The following SEPTIN11 variants were observed in gnomAD, a reference collection of about 807,000 sequenced individuals.
SEPTIN11 encodes septin-11.
A neutral mutation model predicts 51.4 loss-of-function variants in SEPTIN11; 25 were observed. That is an observed-to-expected ratio of 0.49 (90% CI 0.35 to 0.68). The LOEUF is 0.68. SEPTIN11 is among the 30% of genes least tolerant of loss of function. The probability of loss-of-function intolerance (pLI) is 0.00; values close to 1 mark genes in which losing one functional copy is unlikely to be tolerated. For synonymous variants in SEPTIN11, 174 were observed against 184.1 expected (o/e 0.95, Z 0.44); for missense variants, 381 against 520.8 (o/e 0.73, Z 2.61).
intron 1 of SEPTIN11, among the ~76,000 whole-genome samples, chr4:76,994,243 G>A (rs1286643160): frequency 1.3e-5 from 2 of 152,214 alleles, no homozygotes; most frequent in African/African-American, 4.8e-5. Context: ...GCACAGCTAG[G>A]TGGAAAGAGT....
chr4:77,030,415 C>G (rs1262524739), intron 8 of SEPTIN11, among the ~76,000 whole-genome samples: 1 of 151,998 alleles, frequency 6.6e-6, no homozygotes, highest in Non-Finnish European at 1.5e-5. Flanking sequence ...CTTTTATTTT[C>G]TTTTGAGACG....
intron 3 of SEPTIN11, among the ~76,000 whole-genome samples, chr4:77,010,458 C>CT (rs766438702): frequency 5.5e-4 from 78 of 140,548 alleles, no homozygotes; most frequent in Middle Eastern, 3.8e-3. Flanking sequence ...TACATCCTAC[C>CT]TTTTTTTTTT....
chr4:76,974,359 G>A (rs1017918037), intron 1 of SEPTIN11: 4 of 160,900 alleles, frequency 2.5e-5, no homozygotes, highest in Non-Finnish European at 5.4e-5. Flanking sequence ...TCCCTGTACC[G>A]GATGCTGGGG....
chr4:76,974,759 G>A (rs1578131589), intron 1 of SEPTIN11: 4 of 456,580 alleles, frequency 8.8e-6, no homozygotes, highest in Middle Eastern at 6.5e-4. Flanking sequence ...GCTGCAGATG[G>A]AATGAATCAA....
intron 1 of SEPTIN11, among the ~76,000 whole-genome samples, chr4:76,958,103 C>G (rs937224207): frequency 6.6e-6 from 1 of 152,190 alleles, no homozygotes; most frequent in African/African-American, 2.4e-5. Flanking sequence ...AGTGAAAATT[C>G]ACCCTTCAGA....
intron 1 of SEPTIN11, among the ~76,000 whole-genome samples, chr4:76,979,044 T>C (rs1417701645): frequency 6.6e-6 from 1 of 152,184 alleles, no homozygotes; most frequent in Non-Finnish European, 1.5e-5. Flanking sequence ...GGAAGTCAGG[T>C]TGTATAGACT....
intron 2 of SEPTIN11, among the ~76,000 whole-genome samples, chr4:77,002,910 T>C (rs1210724381): frequency 6.6e-6 from 1 of 152,182 alleles, no homozygotes; most frequent in Non-Finnish European, 1.5e-5. Context: ...TTTTTATTCA[T>C]TACTTCATCC....
chr4:76,956,981 TGTGTGTGTGTGTGA>T (rs1348603251), intron 1 of SEPTIN11, among the ~76,000 whole-genome samples: 1 of 139,518 alleles, frequency 7.2e-6, no homozygotes, highest in Non-Finnish European at 1.5e-5. Context: ...TGTGTGTGTG[TGTGTGTGTGTGTGA>T]GAGAGAGAGA....
rs1347214189 is a variant in SEPTIN11, at chr4:77,028,761, G to T, written c.1086G>T (p.Glu362Asp). 1.2e-6 allele frequency: 2 copies of T among 1,611,524 alleles called. No individual in the cohort carries two copies. Among genetic ancestry groups the T allele is most frequent in the Non-Finnish European group, 8.5e-7 (1 of 1,179,166 alleles). Reference protein sequence around the residue: ...KEAELKEAEKELHEKFDLLKR... With the variant: ...KEAELKEAEKDLHEKFDLLKR... ...CTGAACTTAAGGAGGCAGAGAAAGA[G>T]GTAAGCCATCTGTCCTGCTTCAAGG... is the stretch of plus-strand genomic sequence containing the variant. Residue 362 changes from glutamate (E) to aspartate (D), a missense_variant and splice_region_variant, in exon 8 of 10, where the codon GAG (glutamate) becomes GAT (aspartate). Physicochemically the swap from Glu to Asp is conservative, Grantham distance 45. Transcript: ENST00000264893.
chr4:77,036,164 T>C lies in SEPTIN11; in HGVS notation c.*1652T>C, dbSNP rs540599885. The C allele has an allele frequency of 3.4e-5, 34 of 987,126 alleles. No individual in the cohort carries two copies. The African/African-American group carries it at 5.6e-4, about 16-fold the overall frequency. The allele number at this position is 987,126 out of a possible 1,614,324, so 61.1% of individuals were successfully genotyped here. On this transcript the variant is annotated 3_prime_UTR_variant, in exon 10 of 10. Coordinates refer to ENST00000264893, the MANE Select transcript of SEPTIN11 (RefSeq NM_018243.4). ...GCTTAATTAAGCAAAGTAAGGAAAT[T>C]AGTTTCATGGAAGCCTAAACAAAGC...
At chr4:77,021,820 G>C (rs1725741522) in intron 7 of SEPTIN11, among the ~76,000 whole-genome samples, 1 of 152,228 alleles carries the variant, frequency 6.6e-6, no homozygotes, top group Non-Finnish European at 1.5e-5. Context: ...TTGCTTTAGA[G>C]ATAGTTTAGG....
intron 3 of SEPTIN11, among the ~76,000 whole-genome samples, chr4:77,006,320 T>G (rs997764498): frequency 6.6e-6 from 1 of 152,218 alleles, no homozygotes; most frequent in Non-Finnish European, 1.5e-5. Flanking sequence ...ACCCCATTTA[T>G]AAACCATGTA....
chr4:77,002,985 C>T (rs1021614462), intron 2 of SEPTIN11, among the ~76,000 whole-genome samples: 2 of 152,218 alleles, frequency 1.3e-5, no homozygotes, highest in Admixed American at 6.5e-5. Flanking sequence ...TTCCGATGCT[C>T]TACCCCATCT....
In SEPTIN11 at chr4:77,034,899, T is replaced by G; in HGVS notation, c.*387T>G. The G allele has an allele frequency of 1.0e-6, 1 of 997,520 alleles. No individual in the cohort carries two copies. Among genetic ancestry groups the G allele is most frequent in the Non-Finnish European group, 1.2e-6 (1 of 837,996 alleles). 61.8% of individuals were successfully genotyped at this position (997,520 alleles called of 1,614,324 possible). A position where few individuals can be genotyped will look rare whatever the true frequency, so the allele number is the denominator to read the frequency against. On this transcript the variant is annotated 3_prime_UTR_variant, in exon 10 of 10. Transcript: ENST00000264893. ...TCAGCAGCTGAACTAAAAACCTGAA[T>G]AGCCATGACAAGAGTTTGCATTTTC...
At chr4:76,979,725 A>G (rs28638241) in intron 1 of SEPTIN11, among the ~76,000 whole-genome samples, 2,595 of 152,156 alleles carry the variant, frequency 0.017, 78 homozygotes, top group African/African-American at 0.059. Flanking sequence ...CTCTACTAAA[A>G]AATACAAAAA....
intron 4 of SEPTIN11, among the ~76,000 whole-genome samples, 194 bp downstream of exon 4, chr4:77,012,115 CAAA>C (rs199819432): frequency 1.2e-5 from 1 of 84,662 alleles, no homozygotes; most frequent in Non-Finnish European, 2.5e-5. Flanking sequence ...ACAAAACTAG[CAAA>C]AAAAAAAAAA....
intron 1 of SEPTIN11, among the ~76,000 whole-genome samples, chr4:76,962,772 A>G (rs1376731874): frequency 6.6e-6 from 1 of 152,198 alleles, no homozygotes; most frequent in East Asian, 1.9e-4. Flanking sequence ...TGGAAAGGCA[A>G]AGTTATTTTA....
rs1382235136 is a variant in SEPTIN11 at position 77,005,772 on chromosome 4, G to A, written c.314G>A (p.Gly105Glu). The A allele has an allele frequency of 6.2e-7, 1 of 1,613,800 alleles. No individual in the cohort carries two copies. The highest frequency in any genetic ancestry group is 1.7e-5 in the Admixed American group (1 of 59,974). The change falls in exon 3 of 10, where the codon GGA (glycine) becomes GAA (glutamate). Residue 105 changes from glycine (G) to glutamate (E), a missense_variant. Around this residue, in one of 2 missense-constraint regions of SEPTIN11, gnomAD observed 184 missense variants for 207.7 expected, o/e 0.89. Transcript: ENST00000264893. Reference protein sequence around the residue: ...KLTIVDTVGFGDQINKDDSYK... With the variant: ...KLTIVDTVGFEDQINKDDSYK... ...ACCATTGTTGACACCGTGGGATTTG[G>A]AGACCAGATAAATAAAGATGACAGG...
chr4:76,997,900 C>T (rs1723841688), intron 2 of SEPTIN11, among the ~76,000 whole-genome samples: 1 of 152,204 alleles, frequency 6.6e-6, no homozygotes, highest in African/African-American at 2.4e-5. Flanking sequence ...CTCCCCAGCC[C>T]TGTCTCCAAA....
Sources: gnomAD v4.1 joint callset for allele counts (sites outside exome capture counted in the v4.1 genomes callset) on GRCh38, gnomAD v4.1.1 for gene constraint, gnomAD v4.1.1 regional missense constraint, MANE v1.5 for transcripts, NCBI Gene and HGNC (gene_info 2026-07-23, HGNC 2026-07-21) for gene names.